Variants in GNB1L observed in about 807,000 individuals in gnomAD.
GNB1L encodes the protein G protein subunit beta 1 like.
Under a neutral mutation model 29.1 loss-of-function variants are expected in GNB1L, and 20 were observed. The observed-to-expected ratio is 0.69, with a 90% CI of 0.48 to 1.00. GNB1L has a LOEUF of 1.00. Among genes scored for constraint, GNB1L ranks in the 50% least tolerant of loss-of-function variants. GNB1L has a pLI of 0.00. For missense variants in GNB1L, 421 were observed against 464.9 expected (o/e 0.91, Z 0.87); for synonymous variants, 193 against 206.5 (o/e 0.93, Z 0.56).
intron 6 of GNB1L, among the ~76,000 whole-genome samples, chr22:19,806,037 C>G (rs1937430183): frequency 1.3e-5 from 2 of 152,192 alleles, no homozygotes; most frequent in Non-Finnish European, 2.9e-5. Flanking sequence ...GGAAGCTGTG[C>G]TGCATGGAGG....
chr22:19,784,440 G>A lies in GNB1L; in HGVS notation c.*4269C>T, dbSNP rs1000327744. ...AGGGACACCCACTGCCAGAGGCGGA[G>A]GCAGGTTCTCCTGGTCCCAGACCCA... On this transcript the variant is annotated 3_prime_UTR_variant, in exon 8 of 8. Transcript: ENST00000329517. The A allele has an allele frequency of 1.3e-5, 2 of 152,264 alleles. No homozygotes were observed. Among genetic ancestry groups the A allele is most frequent in the Admixed American group, 1.3e-4 (2 of 15,284 alleles). 9.4% of individuals were successfully genotyped at this position (152,264 alleles called of 1,614,324 possible). A position where few individuals can be genotyped will look rare whatever the true frequency, so the allele number is the denominator to read the frequency against.
chr22:19,803,386 C>T (rs1569041075), intron 6 of GNB1L, among the ~76,000 whole-genome samples: 2 of 152,212 alleles, frequency 1.3e-5, no homozygotes, highest in African/African-American at 4.8e-5. Flanking sequence ...GCACCTCCTC[C>T]CAGGCCTCAT....
intron 4 of GNB1L, 42 bp downstream of exon 4, chr22:19,820,556 C>A: frequency 1.3e-6 from 2 of 1,586,008 alleles, no homozygotes. Context: ...GTTCCTGACT[C>A]CCCCGAAGGC....
chr22:19,854,158 C>T (rs1297870766), intron 2 of GNB1L, among the ~76,000 whole-genome samples: 1 of 152,208 alleles, frequency 6.6e-6, no homozygotes, highest in African/African-American at 2.4e-5. Flanking sequence ...CTTTTCTCCC[C>T]ACACTGCCTG....
At chr22:19,821,596 C>T (rs1937579822) in intron 2 of GNB1L, among the ~76,000 whole-genome samples, 1 of 152,204 alleles carries the variant, frequency 6.6e-6, no homozygotes, top group Non-Finnish European at 1.5e-5. Context: ...GCAGAGAGCA[C>T]AGAGCTCACC....
chr22:19,810,038 T>A (rs1937481021), intron 5 of GNB1L, among the ~76,000 whole-genome samples: 1 of 152,212 alleles, frequency 6.6e-6, no homozygotes, highest in Admixed American at 6.5e-5. Context: ...GGGACTATGA[T>A]TTCCTACTTT....
At chr22:19,835,759 G>A (rs1000532095) in intron 2 of GNB1L, among the ~76,000 whole-genome samples, 7 of 152,100 alleles carry the variant, frequency 4.6e-5, no homozygotes, top group Non-Finnish European at 1.0e-4. Flanking sequence ...ATAACAGCAA[G>A]ATAATGAAAA....
In GNB1L at chr22:19,802,078, G is replaced by A. The variant is rs1204322431; in HGVS notation, c.655C>T (p.Gln219Ter). ...GAGCCTGAGATGCCCCTGGCCTTCTGGGAGTCAAAGTCAAGGTCCATGACG... is the reference window on the plus strand; with the variant it reads ...GAGCCTGAGATGCCCCTGGCCTTCTAGGAGTCAAAGTCAAGGTCCATGACG... ...EPVMDLDFDS[Q>*]KARGISGSAG... Residue 219 changes from glutamine (Q) to a stop codon, truncating the protein, a stop_gained, in exon 7 of 8, where the codon CAG becomes TAG. Transcript: ENST00000329517. LOFTEE classifies it high-confidence loss of function. 11 of 1,613,444 alleles carry A rather than the reference G, an allele frequency of 6.8e-6. No homozygotes were observed. The highest frequency in any genetic ancestry group is 1.1e-5 in the South Asian group (1 of 91,036).
intron 5 of GNB1L, among the ~76,000 whole-genome samples, chr22:19,809,298 T>C (rs778296501): frequency 1.3e-5 from 2 of 151,934 alleles, no homozygotes; most frequent in Non-Finnish European, 2.9e-5. Flanking sequence ...TGAGGTGGAA[T>C]CTGGCCGGGC....
chr22:19,835,410 A>C (rs956471858), intron 2 of GNB1L, among the ~76,000 whole-genome samples: 2 of 151,720 alleles, frequency 1.3e-5, no homozygotes, highest in Non-Finnish European at 2.9e-5. Flanking sequence ...ACAAAAAAAA[A>C]ACCTCACGCC....
intron 2 of GNB1L, among the ~76,000 whole-genome samples, chr22:19,823,011 G>A (rs1007991459): frequency 4.6e-5 from 7 of 152,346 alleles, no homozygotes; most frequent in African/African-American, 1.4e-4. Context: ...CCAAGCGGGC[G>A]GCATGGGGGA....
At chr22:19,851,818 G>T (rs1938108879) in intron 2 of GNB1L, 1 of 1,613,980 alleles carries the variant, frequency 6.2e-7, no homozygotes, top group African/African-American at 1.3e-5. Flanking sequence ...CCTGGGCTCG[G>T]CCTGTTAGGC....
At chr22:19,842,765 C>T (rs114517620) in intron 2 of GNB1L, among the ~76,000 whole-genome samples, 1,687 of 152,352 alleles carry the variant, frequency 0.011, 26 homozygotes, top group African/African-American at 0.039. Flanking sequence ...TTTGGACCCA[C>T]GGCTACCAGG....
rs922665525 is a variant in GNB1L at position 19,810,547 on chromosome 22, G to A, written c.417+1738C>T. On this transcript the variant is annotated intron_variant, in intron 5 of 7. Coordinates refer to ENST00000329517, the MANE Select transcript of GNB1L (RefSeq NM_053004.3). ...CCAGAGGTACACACCACGTCTACCT[G>A]GGCTGGGTCCTCAGCCCGGGGCTGC... 2.6e-5 allele frequency among the ~76,000 whole-genome samples: 4 copies of A among 152,148 alleles called. No homozygotes were observed. The South Asian group carries it at 8.3e-4, about 32-fold the overall frequency.
intron 4 of GNB1L, among the ~76,000 whole-genome samples, chr22:19,819,824 G>A (rs944826556): frequency 6.6e-6 from 1 of 152,100 alleles, no homozygotes; most frequent in Non-Finnish European, 1.5e-5. Flanking sequence ...GACACTGCAG[G>A]GGGGACCAGG....
At chr22:19,850,747 G>A in intron 2 of GNB1L, 3 of 1,242,204 alleles carry the variant, frequency 2.4e-6, no homozygotes, top group Non-Finnish European at 3.0e-6. Flanking sequence ...ACAGGAACGA[G>A]GTCCCAACAG....
chr22:19,814,029 G>A (rs375068171), intron 4 of GNB1L, among the ~76,000 whole-genome samples: 40 of 152,234 alleles, frequency 2.6e-4, no homozygotes, highest in African/African-American at 9.1e-4. Flanking sequence ...AGAAGGACAC[G>A]GACTCTGAAG....
intron 2 of GNB1L, chr22:19,851,676 G>A (rs1259522292): frequency 2.5e-6 from 4 of 1,596,236 alleles, no homozygotes; most frequent in Non-Finnish European, 3.4e-6. Context: ...GCCAGGGGCA[G>A]GGGACAGGTA....
At position 19,784,096 on chromosome 22, in the gene GNB1L, T is replaced by C. The variant is rs1321582897; in HGVS notation, c.*4613A>G. ...AAAGTTTTCACCGGTGCCGGCTTGTTGTCTTCCACGCTGGGATTTCACATG... is the reference window on the plus strand; with the variant it reads ...AAAGTTTTCACCGGTGCCGGCTTGTCGTCTTCCACGCTGGGATTTCACATG... On this transcript the variant is annotated 3_prime_UTR_variant, in exon 8 of 8. Transcript: ENST00000329517. The C allele has an allele frequency of 1.3e-5, 2 of 152,262 alleles. No homozygotes were observed. The highest frequency in any genetic ancestry group is 2.9e-5 in the Non-Finnish European group (2 of 68,068). 9.4% of individuals were successfully genotyped at this position (152,262 alleles called of 1,614,324 possible).
Sources: gnomAD v4.1 joint callset for allele counts (sites outside exome capture counted in the v4.1 genomes callset) on GRCh38, gnomAD v4.1.1 for gene constraint, MANE v1.5 for transcripts, NCBI Gene and HGNC (gene_info 2026-07-23, HGNC 2026-07-21) for gene names.